The following ELP3 variants were observed in gnomAD, a reference collection of about 807,000 sequenced individuals.
The protein encoded by ELP3 is elongator acetyltransferase complex subunit 3, also known as elongator complex protein 3.
Under a neutral mutation model 74.9 loss-of-function variants are expected in ELP3, and 56 were observed. That is an observed-to-expected ratio of 0.75 (90% CI 0.60 to 0.93). The LOEUF (loss-of-function observed/expected upper bound fraction) is 0.93, where lower values mean the gene tolerates loss of function less well. Among genes scored for constraint, ELP3 ranks in the 40% least tolerant of loss-of-function variants. The probability of loss-of-function intolerance (pLI) is 0.00; values close to 1 mark genes in which losing one functional copy is unlikely to be tolerated. For synonymous variants in ELP3, 222 were observed against 239.8 expected, an observed-to-expected ratio of 0.93 and a Z score of 0.68; for missense variants, 573 against 686.5, an observed-to-expected ratio of 0.83 and a Z score of 1.85.
rs139371669 is a variant in ELP3 at position 28,147,039 on chromosome 8, C to T, written c.1101-8903C>T. Among the ~76,000 whole-genome samples the T allele has an allele frequency of 0.012, 1,761 of 152,188 alleles. 28 individuals are homozygous for T. Among genetic ancestry groups the T allele is most frequent in the African/African-American group, 0.038 (1,582 of 41,510 alleles). ...ACTTGGCTTAATATTCTGCTGTCAC[C>T]GTCTTGAAATTATTAATAATTTTTT... On this transcript the variant is annotated intron_variant, in intron 10 of 14. Coordinates refer to ENST00000256398, the MANE Select transcript of ELP3 (RefSeq NM_018091.6). This position sits in a 1 kb window ranked among gnomAD's most constrained non-coding sequence, Gnocchi z 4.5.
intron 10 of ELP3, among the ~76,000 whole-genome samples, chr8:28,150,620 C>A (rs1237764614): frequency 1.3e-5 from 2 of 152,076 alleles, no homozygotes; most frequent in Non-Finnish European, 2.9e-5. Context: ...TGTTTCCCCC[C>A]CTCCCCAGCT....
rs978273875 is a variant in ELP3 at position 28,190,765 on chromosome 8, G to A, written c.*1040G>A. 2.0e-5 allele frequency: 3 copies of A among 152,076 alleles called. No individual in the cohort carries two copies. Among genetic ancestry groups the A allele is most frequent in the Non-Finnish European group, 4.4e-5 (3 of 68,022 alleles). 9.4% of individuals were successfully genotyped at this position (152,076 alleles called of 1,614,324 possible). ...TAGAGATGGGGGTTTCACCATATTG[G>A]TCAGGCTGGTCTCGAACTCCTGACC... On this transcript the variant is annotated 3_prime_UTR_variant, in exon 15 of 15. Coordinates refer to ENST00000256398, the MANE Select transcript of ELP3 (RefSeq NM_018091.6).
At chr8:28,118,243 G>A (rs942010833) in intron 7 of ELP3, among the ~76,000 whole-genome samples, 5 of 152,140 alleles carry the variant, frequency 3.3e-5, no homozygotes, top group South Asian at 2.1e-4. Context: ...GTCTGTTCAC[G>A]TTAGGGTCAA....
At chr8:28,176,302 C>T (rs17058685) in intron 14 of ELP3, among the ~76,000 whole-genome samples, 44,582 of 152,028 alleles carry the variant, frequency 0.29, 6,952 homozygotes, top group East Asian at 0.57. Context: ...ATACACTCCA[C>T]GAAGGAAGTG....
chr8:28,113,415 A>C (rs1381995829), intron 7 of ELP3, among the ~76,000 whole-genome samples: 1 of 33,508 alleles, frequency 3.0e-5, no homozygotes, highest in Non-Finnish European at 4.6e-5. Context: ...GTTTGTTGAC[A>C]TAGTAGTATT....
intron 7 of ELP3, among the ~76,000 whole-genome samples, chr8:28,120,789 C>T (rs1339024521): frequency 6.6e-6 from 1 of 152,212 alleles, no homozygotes; most frequent in Admixed American, 6.5e-5. Flanking sequence ...AACATCACTT[C>T]TTTAAAGATT....
At chr8:28,110,026 T>G (rs1287463342) in intron 5 of ELP3, among the ~76,000 whole-genome samples, 3 of 152,244 alleles carry the variant, frequency 2.0e-5, no homozygotes, top group Non-Finnish European at 4.4e-5. Flanking sequence ...GAAGCTTACT[T>G]AAAAGTTACT....
chr8:28,175,752 A>G (rs1226887909), intron 14 of ELP3, among the ~76,000 whole-genome samples: 1 of 147,550 alleles, frequency 6.8e-6, no homozygotes, highest in Non-Finnish European at 1.5e-5. Flanking sequence ...TCTGGAAATC[A>G]TTCTTCTCTT....
intron 5 of ELP3, among the ~76,000 whole-genome samples, chr8:28,109,675 A>G (rs1811836042): frequency 6.6e-6 from 1 of 152,230 alleles, no homozygotes; most frequent in African/African-American, 2.4e-5. Context: ...TACACCTGAT[A>G]CACCTAGGCT....
intron 10 of ELP3, among the ~76,000 whole-genome samples, chr8:28,145,923 C>T (rs1813415229): frequency 6.6e-6 from 1 of 152,022 alleles, no homozygotes; most frequent in Admixed American, 6.5e-5. Flanking sequence ...CATGCCCGGC[C>T]AAGAAGAAAC....
intron 14 of ELP3, chr8:28,183,231 C>T: frequency 2.2e-6 from 1 of 462,236 alleles, no homozygotes; most frequent in South Asian, 1.5e-5. Flanking sequence ...GGGGAGGCCA[C>T]CACAGAAGCT....
intron 8 of ELP3, among the ~76,000 whole-genome samples, chr8:28,131,302 CA>C (rs1352567299): frequency 2.0e-5 from 3 of 152,182 alleles, no homozygotes. Context: ...CAGCAGTGAT[CA>C]AAATGTTCTG....
chr8:28,114,270 G>A (rs1478496527), intron 7 of ELP3, among the ~76,000 whole-genome samples: 1 of 152,084 alleles, frequency 6.6e-6, no homozygotes, highest in Non-Finnish European at 1.5e-5. Flanking sequence ...AAGCAGCCTG[G>A]GGTGTTCTAG....
At chr8:28,099,134 A>G (rs1159707455) in intron 2 of ELP3, among the ~76,000 whole-genome samples, 1 of 152,264 alleles carries the variant, frequency 6.6e-6, no homozygotes, top group Admixed American at 6.5e-5. Context: ...AGATATTTCT[A>G]GATGGATTAA....
At chr8:28,188,766 C>T (rs777746054) in intron 14 of ELP3, among the ~76,000 whole-genome samples, 5 of 152,130 alleles carry the variant, frequency 3.3e-5, no homozygotes, top group Non-Finnish European at 7.4e-5. Context: ...CTCTGTGAGC[C>T]ATTATGACAA....
intron 14 of ELP3, among the ~76,000 whole-genome samples, chr8:28,184,979 AAAAG>A (rs796307563): frequency 2.0e-5 from 3 of 152,090 alleles, no homozygotes; most frequent in South Asian, 2.1e-4. Context: ...AAAAAAAAAA[AAAAG>A]AGAGAGATCT....
At chr8:28,140,956 C>T (rs773033053) in intron 10 of ELP3, among the ~76,000 whole-genome samples, 13 of 152,086 alleles carry the variant, frequency 8.5e-5, no homozygotes, top group African/African-American at 1.9e-4. Context: ...ATTAAACAGT[C>T]GACAAAAATA....
Position 28,122,899 on chromosome 8 carries a change from G to A in ELP3, c.618-6603G>A, listed in dbSNP as rs190129648. Among the ~76,000 whole-genome samples, 65 of 152,250 alleles carry A rather than the reference G, an allele frequency of 4.3e-4. 2 individuals carry two copies. In the East Asian group the frequency reaches 0.01, roughly 24 times the overall value. ...CAGCACTTTGGGAGGTGAGGTGGGC[G>A]GATCACCTGAGGTCAGGAGTTCGAG... On this transcript the variant is annotated intron_variant, in intron 7 of 14. Coordinates refer to ENST00000256398, the MANE Select transcript of ELP3 (RefSeq NM_018091.6).
chr8:28,104,984 A>G (rs1410655447), intron 3 of ELP3, among the ~76,000 whole-genome samples: 1 of 152,200 alleles, frequency 6.6e-6, no homozygotes, highest in Non-Finnish European at 1.5e-5. Context: ...TGCACAAATT[A>G]TTGTGGACTT....
Sources: gnomAD v4.1 joint callset for allele counts (sites outside exome capture counted in the v4.1 genomes callset) on GRCh38, gnomAD v4.1.1 for gene constraint, Gnocchi (gnomAD v3.1) non-coding constraint, MANE v1.5 for transcripts, NCBI Gene and HGNC (gene_info 2026-07-23, HGNC 2026-07-21) for gene names.